The following RTN4RL2 variants were observed in gnomAD, a reference collection of about 807,000 sequenced individuals.
RTN4RL2 encodes reticulon-4 receptor-like 2.
Under a neutral mutation model 27.8 loss-of-function variants are expected in RTN4RL2, and 9 were observed. That is an observed-to-expected ratio of 0.32 (90% confidence interval 0.20 to 0.57). The LOEUF is 0.57. Ranked by LOEUF, RTN4RL2 falls within the 20% of genes least tolerant of loss-of-function variation. The pLI, the probability that RTN4RL2 is intolerant of heterozygous loss-of-function variation, is 0.90. For missense variants in RTN4RL2, 436 were observed against 596.8 expected, an observed-to-expected ratio of 0.73 and a Z score of 2.81; for synonymous variants, 285 against 297.9, an observed-to-expected ratio of 0.96 and a Z score of 0.45.
intron 1 of RTN4RL2, among the ~76,000 whole-genome samples, chr11:57,462,048 C>T (rs890000272): frequency 1.3e-5 from 2 of 151,852 alleles, no homozygotes; most frequent in Non-Finnish European, 2.9e-5. Context: ...GTGCTTTGAG[C>T]TCAGGGCCCT....
chr11:57,468,113 C>G (rs1590731841), intron 2 of RTN4RL2, 23 bp downstream of exon 2: 2 of 1,563,050 alleles, frequency 1.3e-6, no homozygotes, highest in Non-Finnish European at 8.6e-7. Context: ...TGCCCCCACC[C>G]TCAGCCCCTT....
intron 2 of RTN4RL2, chr11:57,468,484 A>C (rs1331318453): frequency 1.9e-5 from 25 of 1,301,906 alleles, no homozygotes; most frequent in Non-Finnish European, 2.7e-5. Flanking sequence ...ATACACCCCC[A>C]TGTCTGTCTG....
chr11:57,467,855 A>T lies in RTN4RL2; in HGVS notation c.278A>T (p.Asn93Ile). Reference protein sequence around the residue: ...NLLTLWLFSNNLSTIYPGTFR... With the variant: ...NLLTLWLFSNILSTIYPGTFR... The stretch of plus-strand genomic sequence containing the variant: ...CTCACCCTGTGGCTCTTCTCCAACA[A>T]CCTCTCCACCATCTACCCGGGCACT... The change falls in exon 2 of 3, where the codon AAC (asparagine) becomes ATC (isoleucine). Residue 93 changes from asparagine to isoleucine, a missense_variant. Physicochemically the swap from Asn to Ile is moderately radical, Grantham distance 149 (BLOSUM62 -3). This residue lies in a region of RTN4RL2 where 365 missense variants were observed against 530.5 expected (regional missense o/e 0.69). Transcript: ENST00000335099. This position sits in a 1 kb window ranked among gnomAD's most constrained non-coding sequence, Gnocchi z 5.5. 6.2e-7 allele frequency: 1 copy of T among 1,613,342 alleles called. No individual in the cohort carries two copies. Among genetic ancestry groups the T allele is most frequent in the South Asian group, 1.1e-5 (1 of 91,032 alleles).
intron 1 of RTN4RL2, among the ~76,000 whole-genome samples, chr11:57,461,132 A>T (rs868511716): frequency 3.3e-5 from 5 of 152,070 alleles, no homozygotes; most frequent in Admixed American, 6.5e-5. Context: ...CGCAGGGGGC[A>T]GGTGGACCCG....
chr11:57,476,027 C>A lies in RTN4RL2; in HGVS notation c.514-135C>A. 1 of 840,256 alleles carries A rather than the reference C, an allele frequency of 1.2e-6. No homozygotes were observed. The highest frequency in any genetic ancestry group is 1.9e-6 in the Non-Finnish European group (1 of 528,466). The allele number at this position is 840,256 out of a possible 1,614,324, so 52.1% of individuals were successfully genotyped here. ...GGAGGCAGAATCCAAATCCAGGATG[C>A]TATGAATCAAAAGGTCAACCCTTTC... On this transcript the variant is annotated intron_variant, in intron 2 of 2. Coordinates refer to ENST00000335099, the MANE Select transcript of RTN4RL2 (RefSeq NM_178570.3). This position sits in a 1 kb window ranked among gnomAD's most constrained non-coding sequence, Gnocchi z 8.2.
intron 1 of RTN4RL2, among the ~76,000 whole-genome samples, chr11:57,461,298 T>C (rs1943482803): frequency 1.3e-5 from 2 of 151,726 alleles, no homozygotes; most frequent in South Asian, 4.2e-4. Flanking sequence ...ACAGGAGATG[T>C]GGGTAGGGGG....
At position 57,467,784 on chromosome 11, in the gene RTN4RL2, C is replaced by A. The variant is rs776100299; in HGVS notation, c.207C>A (p.Asn69Lys). ...GCACTCAGCGACTCTTCCTGCAGAACAACCTCATCCGCACGCTGCGGCCAG... is the reference window on the plus strand; with the variant it reads ...GCACTCAGCGACTCTTCCTGCAGAAAAACCTCATCCGCACGCTGCGGCCAG... ...PPSTQRLFLQ[N>K]NLIRTLRPGT... The change falls in exon 2 of 3, where the codon AAC becomes AAA. Residue 69 changes from asparagine (N) to lysine (K), a missense_variant. Around this residue, in one of 3 missense-constraint regions of RTN4RL2, gnomAD observed 365 missense variants for 530.5 expected, o/e 0.69. Transcript: ENST00000335099. The surrounding 1 kb of genome is among the most constrained non-coding windows in gnomAD (Gnocchi z 5.5). 6.2e-7 allele frequency: 1 copy of A among 1,614,160 alleles called. No homozygotes were observed. Among genetic ancestry groups the A allele is most frequent in the Non-Finnish European group, 8.5e-7 (1 of 1,180,026 alleles).
intron 2 of RTN4RL2, chr11:57,468,967 C>T (rs1044917521): frequency 2.9e-6 from 2 of 683,752 alleles, no homozygotes; most frequent in Non-Finnish European, 5.3e-6. Flanking sequence ...TCCAAACCAC[C>T]CTGAGAGAAA....
Position 57,460,906 on chromosome 11 carries a change from C to G in RTN4RL2, c.31+10C>G. On this transcript the variant is annotated intron_variant, in intron 1 of 2. Transcript: ENST00000335099. The stretch of plus-strand genomic sequence containing the variant: ...AGGCGCCTGCTGCAAGGTAAGAACG[C>G]CAGCGGCGGGAGAGCGGAGGGCATC... The G allele has an allele frequency of 7.2e-7, 1 of 1,390,936 alleles. No homozygotes were observed. Among genetic ancestry groups the G allele is most frequent in the Middle Eastern group, 2.5e-4 (1 of 4,062 alleles). 86.2% of individuals were successfully genotyped at this position (1,390,936 alleles called of 1,614,324 possible).
intron 2 of RTN4RL2, among the ~76,000 whole-genome samples, chr11:57,471,883 A>C (rs1027455801): frequency 1.3e-5 from 2 of 151,404 alleles, no homozygotes; most frequent in African/African-American, 4.9e-5. Context: ...TTTTGAGACG[A>C]AGTCTCGCTC....
At chr11:57,473,532 G>T (rs1464552835) in intron 2 of RTN4RL2, among the ~76,000 whole-genome samples, 1 of 145,336 alleles carries the variant, frequency 6.9e-6, no homozygotes, top group South Asian at 2.1e-4. Context: ...TGAAATGGAA[G>T]AGGATGACTT....
chr11:57,465,271 C>G (rs1206220360), intron 1 of RTN4RL2, among the ~76,000 whole-genome samples: 1 of 152,216 alleles, frequency 6.6e-6, no homozygotes, highest in African/African-American at 2.4e-5. Flanking sequence ...CTGGCTCACG[C>G]CACTACCCAA....
chr11:57,461,009 G>A (rs1245559944), intron 1 of RTN4RL2, 113 bp downstream of exon 1: 3 of 603,026 alleles, frequency 5.0e-6, no homozygotes, highest in Non-Finnish European at 7.6e-6. Flanking sequence ...ACCTGGGGAA[G>A]GGGAAAAGCT....
intron 2 of RTN4RL2, among the ~76,000 whole-genome samples, chr11:57,472,622 C>T (rs1397294671): frequency 1.3e-5 from 2 of 152,218 alleles, no homozygotes; most frequent in African/African-American, 4.8e-5. Context: ...TTTAACCACT[C>T]TGAGCCTCGA....
In RTN4RL2 at chr11:57,476,828, C is replaced by A; in HGVS notation, c.1180C>A (p.Pro394Thr). 1 of 1,558,934 alleles carries A rather than the reference C, an allele frequency of 6.4e-7. No homozygotes were observed. The highest frequency in any genetic ancestry group is 8.6e-7 in the Non-Finnish European group (1 of 1,158,732). Reference protein sequence around the residue: ...MCPGAACQAPPDSRGPALSAG... With the variant: ...MCPGAACQAPTDSRGPALSAG... Reference sequence around the variant, plus strand: ...CCCCGGCGCTGCCTGCCAGGCGCCCCCGGACTCCCGAGGCCCTGCGCTCTC... The same window carrying A: ...CCCCGGCGCTGCCTGCCAGGCGCCCACGGACTCCCGAGGCCCTGCGCTCTC... The change falls in exon 3 of 3, where the codon CCG becomes ACG. Residue 394 changes from proline to threonine, a missense_variant. By Grantham distance (38) the Pro-to-Thr change is conservative. Coordinates refer to ENST00000335099, the MANE Select transcript of RTN4RL2 (RefSeq NM_178570.3). This position sits in a 1 kb window ranked among gnomAD's most constrained non-coding sequence, Gnocchi z 8.2.
In RTN4RL2 at chr11:57,476,482, C is replaced by G; in HGVS notation, c.834C>G (p.Arg278=). The G allele has an allele frequency of 6.5e-7, 1 of 1,532,118 alleles. No homozygotes were observed. The highest frequency in any genetic ancestry group is 8.7e-7 in the Non-Finnish European group (1 of 1,150,970). The allele number at this position is 1,532,118 out of a possible 1,614,324, so 94.9% of individuals were successfully genotyped here. A position where few individuals can be genotyped will look rare whatever the true frequency, so the allele number is the denominator to read the frequency against. ...GGCCGCTCTGGGCCTGGTTCCAGCG[C>G]GCGCGCGTGTCCAGCTCCGACGTGA... ...RARPLWAWFQ[R]ARVSSSDVTC... The change falls in exon 3 of 3, where the codon CGC becomes CGG. Residue 278 remains arginine (R), a synonymous_variant. Transcript: ENST00000335099. This position sits in a 1 kb window ranked among gnomAD's most constrained non-coding sequence, Gnocchi z 8.2.
rs1388173290 is a variant in RTN4RL2 at position 57,474,298 on chromosome 11, A to G, written c.514-1864A>G. On this transcript the variant is annotated intron_variant, in intron 2 of 2. Coordinates refer to ENST00000335099, the MANE Select transcript of RTN4RL2 (RefSeq NM_178570.3). ...CAAGAGGAGGGCTCTTGGCACGCTC[A>G]GTTCCTGTAGCGAAGAGGGCGGAAG... 3.3e-5 allele frequency among the ~76,000 whole-genome samples: 5 copies of G among 152,278 alleles called. No homozygotes were observed. In the East Asian group the frequency reaches 9.7e-4, roughly 29 times the overall value.
At chr11:57,473,755 C>T (rs1943578619) in intron 2 of RTN4RL2, among the ~76,000 whole-genome samples, 2 of 151,760 alleles carry the variant, frequency 1.3e-5, no homozygotes, top group Admixed American at 6.6e-5. Flanking sequence ...GGCAATGGAC[C>T]CCAAGGCAGA....
Position 57,460,870 on chromosome 11 carries a change from T to C in RTN4RL2, c.5T>C (p.Leu2Pro). Residue 2 changes from leucine (L) to proline (P), a missense_variant, in exon 1 of 3, where the codon CTG becomes CCG. Around this residue, in one of 3 missense-constraint regions of RTN4RL2, gnomAD observed 365 missense variants for 530.5 expected, o/e 0.69. Coordinates refer to ENST00000335099, the MANE Select transcript of RTN4RL2 (RefSeq NM_178570.3). M[L>P]PGLRRLLQAP... is the part of the protein sequence containing the mutation. ...TCCCCCGAGCATCGAGACAAGATGCTGCCCGGGCTCAGGCGCCTGCTGCAA... is the reference window on the plus strand; with the variant it reads ...TCCCCCGAGCATCGAGACAAGATGCCGCCCGGGCTCAGGCGCCTGCTGCAA... 1 of 1,407,910 alleles carries C rather than the reference T, an allele frequency of 7.1e-7. No individual in the cohort carries two copies. Among genetic ancestry groups the C allele is most frequent in the Non-Finnish European group, 9.4e-7 (1 of 1,067,188 alleles). The allele number at this position is 1,407,910 out of a possible 1,614,324, so 87.2% of individuals were successfully genotyped here. A position where few individuals can be genotyped will look rare whatever the true frequency, so the allele number is the denominator to read the frequency against.
Sources: gnomAD v4.1 joint callset for allele counts (sites outside exome capture counted in the v4.1 genomes callset) on GRCh38, gnomAD v4.1.1 for gene constraint, gnomAD v4.1.1 regional missense constraint, Gnocchi (gnomAD v3.1) non-coding constraint, MANE v1.5 for transcripts, NCBI Gene and HGNC (gene_info 2026-07-23, HGNC 2026-07-21) for gene names.